Variants in IQSEC1 observed in about 807,000 individuals in gnomAD.
The protein encoded by IQSEC1 is IQ motif and SEC7 domain-containing protein 1.
In IQSEC1, 31 loss-of-function variants were observed where a neutral mutation model predicts 91.0. The observed-to-expected ratio is 0.34, with a 90% CI of 0.26 to 0.46. The LOEUF is 0.46. IQSEC1 is among the 20% of genes least tolerant of loss of function. IQSEC1 has a pLI of 1.00. For missense variants in IQSEC1, 1,388 were observed against 1,575.6 expected, an observed-to-expected ratio of 0.88 and a Z score of 2.02; for synonymous variants, 699 against 662.6, an observed-to-expected ratio of 1.05 and a Z score of -0.84.
In IQSEC1 at chr3:13,227,101, C is replaced by T. The variant is rs530015056; in HGVS notation, c.272+55610G>A. ...ACTAAAAAAAAAAATTCCGGCCAGG[C>T]GTGGTGGCTCACGCCTGTAATCCCA... On this transcript the variant is annotated intron_variant, in intron 1 of 15. Coordinates refer to the IQSEC1 transcript ENST00000648114. 4.0e-5 allele frequency among the ~76,000 whole-genome samples: 6 copies of T among 151,890 alleles called. No homozygotes were observed. The South Asian group carries it at 8.3e-4, about 21-fold the overall frequency.
rs904623701 is a variant in IQSEC1 at position 12,900,794 on chromosome 3, G to A, written c.*189C>T. 7 of 1,449,936 alleles carry A rather than the reference G, an allele frequency of 4.8e-6. No individual in the cohort carries two copies. The African/African-American group carries it at 1.0e-4, about 21-fold the overall frequency. The allele number at this position is 1,449,936 out of a possible 1,614,324, so 89.8% of individuals were successfully genotyped here. A position where few individuals can be genotyped will look rare whatever the true frequency, so the allele number is the denominator to read the frequency against. ...AGAGCCCAGGGTGCCAACAAGAAAT[G>A]AAATCTGGGCCTTTGTTCCACACAA... is the stretch of plus-strand genomic sequence containing the variant. On this transcript the variant is annotated 3_prime_UTR_variant, in exon 14 of 14. Transcript: ENST00000613206.
chr3:12,911,252 G>A (rs1305638632), intron 10 of IQSEC1, among the ~76,000 whole-genome samples: 2 of 152,180 alleles, frequency 1.3e-5, no homozygotes, highest in South Asian at 2.1e-4. Context: ...TCACTTCCGC[G>A]GACACTCATG....
Position 12,909,505 on chromosome 3 carries a change from A to G in IQSEC1, c.2417-71T>C, listed in dbSNP as rs1695360749. 1.4e-6 allele frequency: 2 copies of G among 1,464,028 alleles called. No homozygotes were observed. Among genetic ancestry groups the G allele is most frequent in the Non-Finnish European group, 1.9e-6 (2 of 1,061,408 alleles). 90.7% of individuals were successfully genotyped at this position (1,464,028 alleles called of 1,614,324 possible). A position where few individuals can be genotyped will look rare whatever the true frequency, so the allele number is the denominator to read the frequency against. ...GTTCTCTGCAATCTCCTCTCTGGTC[A>G]GGAAACAATGGTAGGGCTGAGTTGT... On this transcript the variant is annotated intron_variant, in intron 10 of 13. Coordinates refer to ENST00000613206, the MANE Select transcript of IQSEC1 (RefSeq NM_001134382.3). The surrounding 1 kb of genome is among the most constrained non-coding windows in gnomAD (Gnocchi z 4.9).
intron 1 of IQSEC1, among the ~76,000 whole-genome samples, chr3:13,272,644 T>C (rs1576318637): frequency 6.6e-6 from 1 of 152,216 alleles, no homozygotes. Context: ...TTTACACATC[T>C]CGATGTCCGG....
intron 1 of IQSEC1, among the ~76,000 whole-genome samples, chr3:13,234,901 G>A (rs1178737370): frequency 6.6e-6 from 1 of 152,194 alleles, no homozygotes; most frequent in Non-Finnish European, 1.5e-5. Context: ...ACACAGTGTT[G>A]GTTGTCAAAT....
chr3:13,274,045 G>C (rs983720221), intron 1 of IQSEC1, among the ~76,000 whole-genome samples: 1 of 152,178 alleles, frequency 6.6e-6, no homozygotes, highest in Admixed American at 6.5e-5. Context: ...CACATGCCGA[G>C]GGGGAGAAAG....
At chr3:13,260,489 C>T (rs2125129016) in intron 1 of IQSEC1, among the ~76,000 whole-genome samples, 1 of 152,312 alleles carries the variant, frequency 6.6e-6, no homozygotes, top group Non-Finnish European at 1.5e-5. Context: ...TCATCTTTCA[C>T]TGAGTGACAA....
At chr3:13,085,347 A>T (rs562543974) in intron 2 of IQSEC1, among the ~76,000 whole-genome samples, 1 of 152,214 alleles carries the variant, frequency 6.6e-6, no homozygotes, top group Admixed American at 6.5e-5. Flanking sequence ...CTGCCTGGTG[A>T]GAGAGTGAGA....
chr3:12,953,147 G>A (rs1328702114), intron 1 of IQSEC1, among the ~76,000 whole-genome samples: 1 of 152,204 alleles, frequency 6.6e-6, no homozygotes, highest in Non-Finnish European at 1.5e-5. Flanking sequence ...AAGCCAGGGG[G>A]AAACAGAGAA....
At chr3:13,073,689 T>C (rs1030982010), upstream of IQSEC1, among the ~76,000 whole-genome samples, 1 of 152,242 alleles carries the variant, frequency 6.6e-6, no homozygotes, top group African/African-American at 2.4e-5. Flanking sequence ...ATGACACTAC[T>C]TTCCAAGGCG....
chr3:13,057,074 C>G (rs1253783024), intron 1 of IQSEC1, among the ~76,000 whole-genome samples: 1 of 152,166 alleles, frequency 6.6e-6, no homozygotes, highest in Non-Finnish European at 1.5e-5. Context: ...CGGGCGGTAT[C>G]TATGTGCCTG....
In IQSEC1 at chr3:12,992,722, T is replaced by G. The variant is rs575549195; in HGVS notation, c.24-50857A>C. Reference sequence around the variant, plus strand: ...ACAAAGCTGACCAGGCAGAGCCGACTGCTGTCCTTGTGAGCCTCATCTCCT... The same window carrying G: ...ACAAAGCTGACCAGGCAGAGCCGACGGCTGTCCTTGTGAGCCTCATCTCCT... On this transcript the variant is annotated intron_variant, in intron 1 of 13. Coordinates refer to ENST00000613206, the MANE Select transcript of IQSEC1 (RefSeq NM_001134382.3). This position sits in a 1 kb window ranked among gnomAD's most constrained non-coding sequence, Gnocchi z 4.1. Among the ~76,000 whole-genome samples, 9 of 152,234 alleles carry G rather than the reference T, an allele frequency of 5.9e-5. No homozygotes were observed. Among genetic ancestry groups the G allele is most frequent in the Admixed American group, 2.0e-4 (3 of 15,288 alleles).
chr3:13,031,224 A>C (rs1703830043), intron 1 of IQSEC1, among the ~76,000 whole-genome samples: 1 of 152,250 alleles, frequency 6.6e-6, no homozygotes, highest in Admixed American at 6.5e-5. Context: ...ACTGGCCTAC[A>C]GGTAAGGGCC....
Position 12,909,308 on chromosome 3 carries a change from G to T in IQSEC1, c.2543C>A (p.Ala848Glu), listed in dbSNP as rs781123855. The T allele has an allele frequency of 6.2e-7, 1 of 1,614,164 alleles. No homozygotes were observed. Among genetic ancestry groups the T allele is most frequent in the South Asian group, 1.1e-5 (1 of 91,082 alleles). ...GTGCTTCTCCATCTCTTGGACTTCC[G>T]CAATGGACTCCCGCAGGTCATCGGT... The part of the protein sequence containing the change: ...KFTDDLRESI[A>E]EVQEMEKHRI... The change falls in exon 11 of 14, where the codon GCG becomes GAG. Residue 848 changes from alanine to glutamate, a missense_variant. This residue lies in a region of IQSEC1 where 1,059 missense variants were observed against 1,317.8 expected (regional missense o/e 0.80). Transcript: ENST00000613206. This position sits in a 1 kb window ranked among gnomAD's most constrained non-coding sequence, Gnocchi z 4.9.
At chr3:13,281,220 G>A (rs545438717) in intron 1 of IQSEC1, among the ~76,000 whole-genome samples, 178 of 152,252 alleles carry the variant, frequency 1.2e-3, no homozygotes, top group African/African-American at 3.7e-3. Context: ...GTCCTGGTGT[G>A]GGAGAAAGGG....
intron 3 of IQSEC1, among the ~76,000 whole-genome samples, chr3:12,928,338 C>T (rs961565054): frequency 1.3e-5 from 2 of 152,126 alleles, no homozygotes; most frequent in East Asian, 1.9e-4. Flanking sequence ...GGATTCCACC[C>T]GGCAGGCCTC....
At chr3:13,173,570 C>A (rs1483495666) in intron 1 of IQSEC1, among the ~76,000 whole-genome samples, 1 of 152,218 alleles carries the variant, frequency 6.6e-6, no homozygotes, top group Non-Finnish European at 1.5e-5. Flanking sequence ...CTTGGACAAA[C>A]CCTGTGGGCT....
chr3:13,170,682 T>G (rs1398796500), intron 1 of IQSEC1, among the ~76,000 whole-genome samples: 1 of 152,190 alleles, frequency 6.6e-6, no homozygotes, highest in East Asian at 1.9e-4. Context: ...GGTCTTTATA[T>G]CATAAGCTAT....
rs1384728949 is a variant in IQSEC1, at chr3:12,967,820, A to C, written c.24-25955T>G. 1.8e-5 allele frequency: 7 copies of C among 385,790 alleles called. No individual in the cohort carries two copies. The highest frequency in any genetic ancestry group is 2.5e-5 in the African/African-American group (1 of 40,446). 23.9% of individuals were successfully genotyped at this position (385,790 alleles called of 1,614,324 possible). A position where few individuals can be genotyped will look rare whatever the true frequency, so the allele number is the denominator to read the frequency against. ...GGGCGGGGCTGCGCGCGGGGGCGAG[A>C]CTGCACGGAGCGTGTGGGGAAGAGA... On this transcript the variant is annotated intron_variant, in intron 1 of 13. Coordinates refer to ENST00000613206, the MANE Select transcript of IQSEC1 (RefSeq NM_001134382.3). The surrounding 1 kb of genome is among the most constrained non-coding windows in gnomAD (Gnocchi z 5.9).
Sources: gnomAD v4.1 joint callset for allele counts (sites outside exome capture counted in the v4.1 genomes callset) on GRCh38, gnomAD v4.1.1 for gene constraint, gnomAD v4.1.1 regional missense constraint, Gnocchi (gnomAD v3.1) non-coding constraint, MANE v1.5 for transcripts, NCBI Gene and HGNC (gene_info 2026-07-23, HGNC 2026-07-21) for gene names.